Variants in METTL16 observed in about 807,000 individuals in gnomAD.
The protein encoded by METTL16 is RNA N(6)-adenosine-methyltransferase METTL16.
In METTL16, 19 loss-of-function variants were observed where a neutral mutation model predicts 57.9. The observed-to-expected ratio is 0.33, with a 90% CI of 0.23 to 0.48. The LOEUF (loss-of-function observed/expected upper bound fraction) is 0.48, where lower values mean the gene tolerates loss of function less well. METTL16 is among the 20% of genes least tolerant of loss of function. The pLI, the probability that METTL16 is intolerant of heterozygous loss-of-function variation, is 0.99. For missense variants in METTL16, 434 were observed against 691.5 expected (o/e 0.63, Z 4.18); for synonymous variants, 246 against 255.6 (o/e 0.96, Z 0.36).
At chr17:2,510,013 G>A (rs2067576227) in intron 1 of METTL16, among the ~76,000 whole-genome samples, 1 of 151,862 alleles carries the variant, frequency 6.6e-6, no homozygotes, top group South Asian at 2.1e-4. Flanking sequence ...GGAGGTGGAG[G>A]TTGCAGTGAG....
At chr17:2,458,691 G>C (rs555012926) in intron 6 of METTL16, among the ~76,000 whole-genome samples, 9 of 151,984 alleles carry the variant, frequency 5.9e-5, no homozygotes, top group Non-Finnish European at 1.2e-4. Flanking sequence ...CAGCCTGGGT[G>C]ACAGAGCAAG....
intron 2 of METTL16, among the ~76,000 whole-genome samples, chr17:2,479,716 C>G (rs569602600): frequency 6.6e-6 from 1 of 152,100 alleles, no homozygotes; most frequent in South Asian, 2.1e-4. Context: ...GCTGTTTCCA[C>G]CCAGCAACCA....
chr17:2,431,875 GAT>G (rs1290096962), intron 8 of METTL16, among the ~76,000 whole-genome samples: 3 of 152,006 alleles, frequency 2.0e-5, no homozygotes, highest in Admixed American at 6.6e-5. Context: ...TAACAACAAG[GAT>G]ATAATAACAA....
Position 2,418,150 on chromosome 17 carries a change from TTGTC to T in METTL16, c.*1816_*1819del, listed in dbSNP as rs2066734240. On this transcript the variant is annotated 3_prime_UTR_variant, in exon 10 of 10. Transcript: ENST00000263092. ...AATCCTTAGTGGGTTATTGACCCCT[TTGTC>T]TGTGTCTGAGGGTTCTGGGAACCCT... The T allele has an allele frequency of 6.6e-6, 1 of 151,162 alleles. No homozygotes were observed. The highest frequency in any genetic ancestry group is 2.1e-4 in the South Asian group (1 of 4,790). The allele number at this position is 151,162 out of a possible 1,614,324, so 9.4% of individuals were successfully genotyped here.
At chr17:2,456,487 T>C (rs146944421) in intron 6 of METTL16, among the ~76,000 whole-genome samples, 99 of 152,334 alleles carry the variant, frequency 6.5e-4, no homozygotes, top group African/African-American at 2.2e-3. Context: ...TACTGACTGA[T>C]TGACTGAGAC....
chr17:2,476,400 C>G (rs2067268590), intron 3 of METTL16, among the ~76,000 whole-genome samples: 2 of 151,856 alleles, frequency 1.3e-5, no homozygotes, highest in Admixed American at 1.3e-4. Flanking sequence ...AAAGGCTGAG[C>G]CTTATGCAAG....
chr17:2,448,736 T>G (rs1188585393), intron 6 of METTL16, among the ~76,000 whole-genome samples: 5 of 48,434 alleles, frequency 1.0e-4, no homozygotes, highest in African/African-American at 2.7e-4. Flanking sequence ...CCAAGAATGA[T>G]CAATAAAAAA....
downstream of METTL16, chr17:2,415,920 G>A (rs1277769762): frequency 6.6e-6 from 1 of 151,980 alleles, no homozygotes; most frequent in Non-Finnish European, 1.5e-5. Flanking sequence ...CAAAGGACTG[G>A]CCCAACCTGG....
chr17:2,476,006 A>G (rs1415328214), intron 3 of METTL16, among the ~76,000 whole-genome samples: 1 of 152,266 alleles, frequency 6.6e-6, no homozygotes, highest in Non-Finnish European at 1.5e-5. Flanking sequence ...TGACTTGGCT[A>G]GGATGGCAGT....
intron 8 of METTL16, among the ~76,000 whole-genome samples, chr17:2,430,446 C>T (rs1310956314): frequency 8.2e-5 from 10 of 122,484 alleles, no homozygotes; most frequent in African/African-American, 1.6e-4. Flanking sequence ...GACGGAGTCT[C>T]GCTCTGTCGC....
chr17:2,471,905 G>A (rs778335849), intron 4 of METTL16, among the ~76,000 whole-genome samples: 1 of 152,080 alleles, frequency 6.6e-6, no homozygotes, highest in Admixed American at 6.6e-5. Flanking sequence ...CTTGAGGACA[G>A]GAGTTTGAGA....
chr17:2,445,486 C>T (rs914929852), intron 6 of METTL16, among the ~76,000 whole-genome samples: 1 of 152,056 alleles, frequency 6.6e-6, no homozygotes, highest in Admixed American at 6.6e-5. Flanking sequence ...AAATAAAATG[C>T]ATATAAAGGT....
At chr17:2,493,339 T>C (rs917483164) in intron 2 of METTL16, among the ~76,000 whole-genome samples, 7 of 151,490 alleles carry the variant, frequency 4.6e-5, no homozygotes, top group Admixed American at 1.3e-4. Context: ...TCCGCCCGCC[T>C]TGGCCTCCCA....
intron 1 of METTL16, among the ~76,000 whole-genome samples, chr17:2,507,359 C>G (rs2067550551): frequency 1.3e-5 from 2 of 148,752 alleles, no homozygotes; most frequent in Non-Finnish European, 3.0e-5. Context: ...GCCAGCCACC[C>G]CGTCCGGGAG....
chr17:2,504,215 G>A (rs1216642238), intron 1 of METTL16, among the ~76,000 whole-genome samples: 1 of 152,116 alleles, frequency 6.6e-6, no homozygotes, highest in Non-Finnish European at 1.5e-5. Flanking sequence ...ATGAGGAGCT[G>A]GGGAGGGAAG....
intron 8 of METTL16, among the ~76,000 whole-genome samples, chr17:2,437,182 A>G (rs1354865238): frequency 6.6e-6 from 1 of 152,182 alleles, no homozygotes; most frequent in Non-Finnish European, 1.5e-5. Flanking sequence ...AGGCCTGGAC[A>G]CAAATCATTT....
In METTL16 at chr17:2,417,075, TTTTTTTTTTTG is replaced by T; in HGVS notation, c.*2884_*2894del. 7.6e-6 allele frequency: 1 copy of T among 130,790 alleles called. No individual in the cohort carries two copies. 8.1% of individuals were successfully genotyped at this position (130,790 alleles called of 1,614,324 possible). A position where few individuals can be genotyped will look rare whatever the true frequency, so the allele number is the denominator to read the frequency against. Reference sequence around the variant, plus strand: ...ATGGGTTCCTTTTTTTTTTTTTTTTTTTTTTTTTTTGAGACAGTCCCACTTTGTCGCCCAGG... The same window carrying T: ...ATGGGTTCCTTTTTTTTTTTTTTTTTAGACAGTCCCACTTTGTCGCCCAGG... On this transcript the variant is annotated 3_prime_UTR_variant, in exon 10 of 10. Coordinates refer to ENST00000263092, the MANE Select transcript of METTL16 (RefSeq NM_024086.4).
intron 8 of METTL16, among the ~76,000 whole-genome samples, chr17:2,433,490 T>A (rs897428775): frequency 6.6e-6 from 1 of 152,142 alleles, no homozygotes; most frequent in Non-Finnish European, 1.5e-5. Context: ...AAGCAAGATG[T>A]GAGGCCATCA....
intron 2 of METTL16, among the ~76,000 whole-genome samples, chr17:2,494,907 G>A (rs1181100337): frequency 6.6e-6 from 1 of 151,784 alleles, no homozygotes; most frequent in Non-Finnish European, 1.5e-5. Flanking sequence ...CTGAGGCAGA[G>A]GAATCGTTTG....
Sources: allele counts gnomAD v4.1 joint callset (sites outside exome capture counted in the v4.1 genomes callset), GRCh38; gene constraint gnomAD v4.1.1; transcripts MANE v1.5; gene names NCBI Gene and HGNC (gene_info 2026-07-23, HGNC 2026-07-21).